ZNHIT6: variants seen among roughly 807,000 people sequenced by gnomAD.
ZNHIT6 encodes zinc finger HIT-type containing 6, also known as box C/D snoRNA protein 1.
In ZNHIT6, 45 loss-of-function variants were observed where a neutral mutation model predicts 57.2. The observed-to-expected ratio is 0.79, with a 90% confidence interval of 0.62 to 1.01. The LOEUF is 1.01. Ranked by LOEUF, ZNHIT6 falls within the 50% of genes least tolerant of loss-of-function variation. The pLI, the probability that ZNHIT6 is intolerant of heterozygous loss-of-function variation, is 0.00. For missense variants in ZNHIT6, 528 were observed against 567.3 expected, an observed-to-expected ratio of 0.93 and a Z score of 0.70; for synonymous variants, 188 against 190.0, an observed-to-expected ratio of 0.99 and a Z score of 0.09.
chr1:85,688,401 T>C (rs1309155877), intron 5 of ZNHIT6, among the ~76,000 whole-genome samples: 1 of 152,214 alleles, frequency 6.6e-6, no homozygotes. Flanking sequence ...CTTTCTAGAA[T>C]TGAAAGTTCA....
chr1:85,659,385 G>A lies in ZNHIT6; in HGVS notation c.1248-1414C>T, dbSNP rs543889371. Among the ~76,000 whole-genome samples, 9 of 152,270 alleles carry A rather than the reference G, an allele frequency of 5.9e-5. No individual in the cohort carries two copies. In the South Asian group the frequency reaches 1.5e-3, roughly 25 times the overall value. On this transcript the variant is annotated intron_variant, in intron 8 of 9. Transcript: ENST00000370574. ...TTCATGTCAAAGAAGAAAAAGCTGA[G>A]AACATGTCAACCAGTCTAGTGCAGA...
rs572237397 is a variant in ZNHIT6, at chr1:85,680,753, T to C, written c.1088+83A>G. ...ACCACAATTTAGTTATCCATTCTAC[T>C]ACTGACATTAAGTTAACAGTTTATT... is the stretch of plus-strand genomic sequence containing the variant. On this transcript the variant is annotated intron_variant, in intron 6 of 9. Coordinates refer to ENST00000370574, the MANE Select transcript of ZNHIT6 (RefSeq NM_017953.4). 7 of 1,025,250 alleles carry C rather than the reference T, an allele frequency of 6.8e-6. No homozygotes were observed. In the South Asian group the frequency reaches 7.5e-5, roughly 11 times the overall value. 63.5% of individuals were successfully genotyped at this position (1,025,250 alleles called of 1,614,324 possible). A position where few individuals can be genotyped will look rare whatever the true frequency, so the allele number is the denominator to read the frequency against.
rs376048550 is a variant in ZNHIT6, at chr1:85,654,038, T to C, written c.*20A>G. 8 of 1,610,402 alleles carry C rather than the reference T, an allele frequency of 5.0e-6. No individual in the cohort carries two copies. Among genetic ancestry groups the C allele is most frequent in the Non-Finnish European group, 6.8e-6 (8 of 1,177,932 alleles). ...TGCAGTTGTCTGGAAGTTTTCACTT[T>C]CTTCTTCCAGAAAAAATGCTCAATT... On this transcript the variant is annotated 3_prime_UTR_variant, in exon 10 of 10. Transcript: ENST00000370574.
rs1660981417 is a variant in ZNHIT6 at position 85,653,792 on chromosome 1, A to G, written c.*266T>C. 2 of 362,180 alleles carry G rather than the reference A, an allele frequency of 5.5e-6. No homozygotes were observed. Among genetic ancestry groups the G allele is most frequent in the Admixed American group, 4.7e-5 (1 of 21,370 alleles). 22.4% of individuals were successfully genotyped at this position (362,180 alleles called of 1,614,324 possible). A position where few individuals can be genotyped will look rare whatever the true frequency, so the allele number is the denominator to read the frequency against. On this transcript the variant is annotated 3_prime_UTR_variant, in exon 10 of 10. Coordinates refer to ENST00000370574, the MANE Select transcript of ZNHIT6 (RefSeq NM_017953.4). Reference sequence around the variant, plus strand: ...AGTTTTCAGTTTATGGAATTAAGCAATTAAGCATATTAAAAAGCCAGGGCC... The same window carrying G: ...AGTTTTCAGTTTATGGAATTAAGCAGTTAAGCATATTAAAAAGCCAGGGCC...
intron 8 of ZNHIT6, among the ~76,000 whole-genome samples, chr1:85,666,657 C>A (rs1226446038): frequency 6.6e-6 from 1 of 152,052 alleles, no homozygotes; most frequent in Non-Finnish European, 1.5e-5. Flanking sequence ...TTTCTTAAAG[C>A]TAAGTTAACA....
At chr1:85,662,878 T>C (rs1326114850) in intron 8 of ZNHIT6, among the ~76,000 whole-genome samples, 1 of 152,204 alleles carries the variant, frequency 6.6e-6, no homozygotes, top group African/African-American at 2.4e-5. Context: ...ATATTTAAAC[T>C]ATGGATGTGG....
intron 5 of ZNHIT6, among the ~76,000 whole-genome samples, chr1:85,684,197 G>C (rs183810398): frequency 6.6e-6 from 1 of 152,312 alleles, no homozygotes; most frequent in East Asian, 1.9e-4. Flanking sequence ...ACCATGTTTA[G>C]AGTTGGGTGA....
chr1:85,708,381 C>G lies in ZNHIT6; in HGVS notation c.-97G>C. ...TACCGGTCGGAATACCTACGGCGGC[C>G]CACGTGTGGAGCCAAGCAGCCACAA... On this transcript the variant is annotated 5_prime_UTR_variant, in exon 1 of 10. Transcript: ENST00000370574. The G allele has an allele frequency of 2.1e-6, 3 of 1,458,416 alleles. No homozygotes were observed. The highest frequency in any genetic ancestry group is 2.7e-6 in the Non-Finnish European group (3 of 1,097,164). The allele number at this position is 1,458,416 out of a possible 1,614,324, so 90.3% of individuals were successfully genotyped here. A position where few individuals can be genotyped will look rare whatever the true frequency, so the allele number is the denominator to read the frequency against.
rs533301489 is a variant in ZNHIT6, at chr1:85,675,770, T to C, written c.1247+1466A>G. Among the ~76,000 whole-genome samples, 155 of 152,310 alleles carry C rather than the reference T, an allele frequency of 1.0e-3. 1 individual carries two copies. Among genetic ancestry groups the C allele is most frequent in the African/African-American group, 3.6e-3 (151 of 41,570 alleles). ...ACCTTCATCAGTTATCTTAGCTAGA[T>C]CTTCTGGATAACCTGCTGTGGCTTC... On this transcript the variant is annotated intron_variant, in intron 8 of 9. Coordinates refer to ENST00000370574, the MANE Select transcript of ZNHIT6 (RefSeq NM_017953.4).
intron 9 of ZNHIT6, among the ~76,000 whole-genome samples, chr1:85,656,639 C>T (rs1033235616): frequency 6.6e-6 from 1 of 151,896 alleles, no homozygotes; most frequent in Admixed American, 6.6e-5. Context: ...TGAAACTGGC[C>T]ATTTAAAACT....
At chr1:85,684,817 T>C (rs1015588063) in intron 5 of ZNHIT6, among the ~76,000 whole-genome samples, 3 of 152,200 alleles carry the variant, frequency 2.0e-5, no homozygotes, top group Non-Finnish European at 2.9e-5. Context: ...TCTAAATTAT[T>C]CTTTTGACTT....
chr1:85,672,999 G>A (rs1661604080), intron 8 of ZNHIT6, among the ~76,000 whole-genome samples: 1 of 152,158 alleles, frequency 6.6e-6, no homozygotes, highest in Admixed American at 6.5e-5. Flanking sequence ...ACTTAAGTGG[G>A]CAGTAATACA....
At chr1:85,663,511 T>A (rs565789780) in intron 8 of ZNHIT6, among the ~76,000 whole-genome samples, 1 of 152,254 alleles carries the variant, frequency 6.6e-6, no homozygotes, top group South Asian at 2.1e-4. Flanking sequence ...TATTCTTCAA[T>A]TGATTGCTCA....
intron 5 of ZNHIT6, among the ~76,000 whole-genome samples, chr1:85,694,669 C>G (rs1335612821): frequency 6.6e-6 from 1 of 152,138 alleles, no homozygotes; most frequent in African/African-American, 2.4e-5. Context: ...ACCATGTTAG[C>G]CAGGATGGTC....
intron 8 of ZNHIT6, among the ~76,000 whole-genome samples, chr1:85,670,713 T>C (rs1661534150): frequency 6.6e-6 from 1 of 152,096 alleles, no homozygotes; most frequent in Non-Finnish European, 1.5e-5. Context: ...GGGAAGGAAA[T>C]GAACTCTGTT....
Position 85,650,072 on chromosome 1 carries a change from C to T in ZNHIT6, c.*3986G>A, listed in dbSNP as rs1392033713. 1 of 152,222 alleles carries T rather than the reference C, an allele frequency of 6.6e-6. No individual in the cohort carries two copies. Among genetic ancestry groups the T allele is most frequent in the Admixed American group, 6.5e-5 (1 of 15,278 alleles). 9.4% of individuals were successfully genotyped at this position (152,222 alleles called of 1,614,324 possible). A position where few individuals can be genotyped will look rare whatever the true frequency, so the allele number is the denominator to read the frequency against. The stretch of plus-strand genomic sequence containing the variant: ...ATTCCCAGTAACTACCTTTCCTCAC[C>T]TGCTCCCTACATTCTGGCTTTCTTC... On this transcript the variant is annotated 3_prime_UTR_variant, in exon 10 of 10. Coordinates refer to ENST00000370574, the MANE Select transcript of ZNHIT6 (RefSeq NM_017953.4).
At chr1:85,693,745 T>C (rs1050441265) in intron 5 of ZNHIT6, among the ~76,000 whole-genome samples, 3 of 152,154 alleles carry the variant, frequency 2.0e-5, no homozygotes, top group African/African-American at 7.2e-5. Context: ...GCAAAAGAAG[T>C]GAGAAGTCAA....
chr1:85,659,072 T>A (rs1196789786), intron 8 of ZNHIT6, among the ~76,000 whole-genome samples: 1 of 152,162 alleles, frequency 6.6e-6, no homozygotes, highest in Non-Finnish European at 1.5e-5. Flanking sequence ...AGTCAATTAT[T>A]CTAATTATAA....
intron 8 of ZNHIT6, among the ~76,000 whole-genome samples, chr1:85,662,201 T>C (rs1434317280): frequency 1.3e-5 from 2 of 151,720 alleles, no homozygotes; most frequent in African/African-American, 4.8e-5. Flanking sequence ...GACAAGTTTT[T>C]AAAGAAACGA....
Sources: allele counts gnomAD v4.1 joint callset (sites outside exome capture counted in the v4.1 genomes callset), GRCh38; gene constraint gnomAD v4.1.1; transcripts MANE v1.5; gene names NCBI Gene and HGNC (gene_info 2026-07-23, HGNC 2026-07-21).